Variants in GSK3B observed in about 807,000 individuals in gnomAD.
GSK3B encodes glycogen synthase kinase 3 beta, also known as glycogen synthase kinase-3 beta.
GSK3B carries 15 observed loss-of-function variants against 56.4 expected under a neutral mutation model. The observed-to-expected ratio is 0.27, with a 90% confidence interval of 0.18 to 0.41. The LOEUF is 0.41. Ranked by LOEUF, GSK3B falls within the 10% of genes least tolerant of loss-of-function variation. The pLI, the probability that GSK3B is intolerant of heterozygous loss-of-function variation, is 1.00. For synonymous variants in GSK3B, 181 were observed against 188.9 expected (o/e 0.96, Z 0.34); for missense variants, 300 against 513.4 (o/e 0.58, Z 4.02).
intron 2 of GSK3B, among the ~76,000 whole-genome samples, chr3:119,985,968 T>C (rs1322097137): frequency 2.0e-5 from 3 of 152,198 alleles, no homozygotes; most frequent in Non-Finnish European, 4.4e-5. Context: ...AACAGCATAG[T>C]ACTGGTACCA....
chr3:119,933,080 A>C (rs2107476426), intron 3 of GSK3B, among the ~76,000 whole-genome samples: 2 of 152,286 alleles, frequency 1.3e-5, no homozygotes, highest in South Asian at 4.1e-4. Context: ...ACCCCTGCAA[A>C]ACAAACAAAC....
intron 1 of GSK3B, among the ~76,000 whole-genome samples, chr3:120,053,704 A>G (rs978333366): frequency 1.1e-4 from 16 of 152,146 alleles, no homozygotes; most frequent in Non-Finnish European, 1.0e-4. Flanking sequence ...TGTGGGAGGG[A>G]CCCACATTGT....
At chr3:119,982,688 C>G (rs1178551886) in intron 2 of GSK3B, among the ~76,000 whole-genome samples, 1 of 152,086 alleles carries the variant, frequency 6.6e-6, no homozygotes. Context: ...TGAATAAAGC[C>G]TCCAAGAAAT....
At position 119,825,036 on chromosome 3, in the gene GSK3B, G is replaced by T; in HGVS notation, c.*1752C>A. 5.2e-6 allele frequency: 1 copy of T among 191,316 alleles called. No individual in the cohort carries two copies. Among genetic ancestry groups the T allele is most frequent in the East Asian group, 8.3e-5 (1 of 12,096 alleles). 11.9% of individuals were successfully genotyped at this position (191,316 alleles called of 1,614,324 possible). Reference sequence around the variant, plus strand: ...GTGAGGGCAAGTTACACACAACCATGGGCTCAGCTCTGCAGCCCTACAGTT... The same window carrying T: ...GTGAGGGCAAGTTACACACAACCATTGGCTCAGCTCTGCAGCCCTACAGTT... On this transcript the variant is annotated 3_prime_UTR_variant, in exon 11 of 11. Transcript: ENST00000264235.
rs2055446339 is a variant in GSK3B at position 119,823,446 on chromosome 3, AT to A, written c.*3341del. The A allele has an allele frequency of 5.1e-6, 1 of 197,956 alleles. No individual in the cohort carries two copies. Among genetic ancestry groups the A allele is most frequent in the African/African-American group, 2.3e-5 (1 of 43,388 alleles). The allele number at this position is 197,956 out of a possible 1,614,324, so 12.3% of individuals were successfully genotyped here. ...CACTGACGTATCAAAACCTGATACTATTAAGAAACTTCGATTTATAAAAAAA... is the reference window on the plus strand; with the variant it reads ...CACTGACGTATCAAAACCTGATACTATAAGAAACTTCGATTTATAAAAAAA... On this transcript the variant is annotated 3_prime_UTR_variant, in exon 11 of 11. Coordinates refer to ENST00000264235, the MANE Select transcript of GSK3B (RefSeq NM_001146156.2).
intron 9 of GSK3B, among the ~76,000 whole-genome samples, chr3:119,843,910 C>T (rs1264433553): frequency 6.6e-6 from 1 of 152,090 alleles, no homozygotes; most frequent in Admixed American, 6.6e-5. Context: ...CTAAAATCGA[C>T]CACATAATTG....
chr3:120,091,962 G>T (rs770132675), intron 1 of GSK3B, among the ~76,000 whole-genome samples: 2 of 152,152 alleles, frequency 1.3e-5, no homozygotes, highest in African/African-American at 4.8e-5. Context: ...TGTTGCCTAA[G>T]AATATAATCA....
chr3:120,044,713 C>T (rs892301587), intron 1 of GSK3B, among the ~76,000 whole-genome samples: 4 of 152,270 alleles, frequency 2.6e-5, no homozygotes, highest in Admixed American at 2.6e-4. Context: ...ATTAATTACA[C>T]CAGAGATGCT....
chr3:119,833,676 G>T (rs1337653454), intron 10 of GSK3B, among the ~76,000 whole-genome samples: 2 of 147,684 alleles, frequency 1.4e-5, no homozygotes, highest in South Asian at 2.1e-4. Flanking sequence ...AAGTACACTT[G>T]GAAACATTAG....
chr3:119,837,967 TA>T (rs2055717261), intron 10 of GSK3B, among the ~76,000 whole-genome samples: 1 of 146,170 alleles, frequency 6.8e-6, no homozygotes. Context: ...TATATATATA[TA>T]TATTTCAGTC....
intron 10 of GSK3B, among the ~76,000 whole-genome samples, chr3:119,837,475 A>T (rs2055708893): frequency 6.6e-6 from 1 of 151,980 alleles, no homozygotes; most frequent in Non-Finnish European, 1.5e-5. Context: ...AAACTTTTCT[A>T]ATAGAGTGAT....
chr3:120,085,735 G>T (rs1031261555), intron 1 of GSK3B, among the ~76,000 whole-genome samples: 1 of 152,162 alleles, frequency 6.6e-6, no homozygotes, highest in Admixed American at 6.5e-5. Context: ...CAGGCCTCGA[G>T]GTGGCGGTTG....
intron 9 of GSK3B, among the ~76,000 whole-genome samples, chr3:119,853,957 T>C (rs143310068): frequency 1.6e-4 from 24 of 152,356 alleles, no homozygotes; most frequent in African/African-American, 5.1e-4. Flanking sequence ...CAACGCTATG[T>C]TGAATAGGAC....
chr3:120,050,892 G>A (rs1254419960), intron 1 of GSK3B, among the ~76,000 whole-genome samples: 1 of 152,132 alleles, frequency 6.6e-6, no homozygotes, highest in Non-Finnish European at 1.5e-5. Flanking sequence ...ATGAACAAAT[G>A]GCTGAGGTCA....
chr3:119,841,088 T>C (rs969284154), intron 10 of GSK3B, among the ~76,000 whole-genome samples: 14 of 152,226 alleles, frequency 9.2e-5, no homozygotes, highest in Non-Finnish European at 1.8e-4. Flanking sequence ...CAGCTTACTA[T>C]TCCTCTATTA....
chr3:120,071,839 G>T (rs1470934444), intron 1 of GSK3B, among the ~76,000 whole-genome samples: 1 of 152,172 alleles, frequency 6.6e-6, no homozygotes. Flanking sequence ...GTGCCAAGAA[G>T]GTTTGGGACC....
chr3:120,063,030 T>A (rs987681909), intron 1 of GSK3B, among the ~76,000 whole-genome samples: 21 of 152,222 alleles, frequency 1.4e-4, no homozygotes, highest in African/African-American at 4.6e-4. Context: ...TATTCAGGAC[T>A]CTTTTCTCAT....
intron 7 of GSK3B, among the ~76,000 whole-genome samples, chr3:119,880,338 T>C (rs138509255): frequency 1.5e-4 from 23 of 152,306 alleles, no homozygotes; most frequent in African/African-American, 5.1e-4. Context: ...TCCTATAAAG[T>C]TGTTGGAGCT....
At chr3:119,957,560 C>A (rs748181630) in intron 2 of GSK3B, among the ~76,000 whole-genome samples, 2 of 152,158 alleles carry the variant, frequency 1.3e-5, no homozygotes, top group African/African-American at 4.8e-5. Flanking sequence ...TCTTTGAGAG[C>A]CAATAACACA....
Sources: allele counts gnomAD v4.1 joint callset (sites outside exome capture counted in the v4.1 genomes callset), GRCh38; gene constraint gnomAD v4.1.1; transcripts MANE v1.5; gene names NCBI Gene and HGNC (gene_info 2026-07-23, HGNC 2026-07-21).